FAM162A: variants seen among roughly 807,000 people sequenced by gnomAD.
FAM162A encodes family with sequence similarity 162 member A.
FAM162A carries 23 observed loss-of-function variants against 21.8 expected under a neutral mutation model. The ratio of observed to expected loss-of-function variants is 1.05; its 90% CI spans 0.76 to 1.49. FAM162A has a LOEUF of 1.49. Ranked by LOEUF, FAM162A falls within the 40% of genes most tolerant of loss-of-function variation. FAM162A has a pLI of 0.00. For synonymous variants in FAM162A, 53 were observed against 61.3 expected (o/e 0.86, Z 0.64); for missense variants, 165 against 186.4 (o/e 0.89, Z 0.67).
Position 122,404,261 on chromosome 3 carries a change from C to T in FAM162A, c.161C>T (p.Thr54Ile). 3 of 1,560,342 alleles carry T rather than the reference C, an allele frequency of 1.9e-6. No homozygotes were observed. The highest frequency in any genetic ancestry group is 2.6e-6 in the Non-Finnish European group (3 of 1,146,672). Residue 54 changes from threonine (T) to isoleucine (I), a missense_variant, in exon 3 of 5, where the codon ACT becomes ATT. Thr to Ile is a moderately conservative substitution (Grantham distance 89). Transcript: ENST00000477892. ...PQESPGAPSR[T>I]YNRVPLHKPT... The stretch of plus-strand genomic sequence containing the variant: ...TCTTGTCTGGTTTTTCTCATAGGCA[C>T]TTACAACAGAGTGCCTTTACACAAA...
intron 1 of FAM162A, chr3:122,401,289 ATC>A (rs1404923059): frequency 3.9e-6 from 2 of 510,084 alleles, no homozygotes; most frequent in Admixed American, 6.4e-5. Flanking sequence ...ACCTGATTGT[ATC>A]TCTTATTTTG....
intron 2 of FAM162A, among the ~76,000 whole-genome samples, chr3:122,403,948 G>C (rs771672545): frequency 2.2e-4 from 34 of 152,252 alleles, no homozygotes; most frequent in Middle Eastern, 3.4e-3. Context: ...ATGTACAGTA[G>C]TTCCCAATCA....
chr3:122,389,540 A>G (rs1242520494), intron 1 of FAM162A, among the ~76,000 whole-genome samples: 1 of 152,234 alleles, frequency 6.6e-6, no homozygotes, highest in East Asian at 1.9e-4. Flanking sequence ...AGATGTATGT[A>G]GAGAACTGTT....
chr3:122,402,625 C>A, intron 1 of FAM162A, 135 bp from the exon 2 acceptor site: 2 of 690,840 alleles, frequency 2.9e-6, no homozygotes, highest in South Asian at 7.2e-5. Flanking sequence ...CTATGTGTAT[C>A]TTACATATAG....
At chr3:122,399,667 T>G (rs2075644305) in intron 1 of FAM162A, among the ~76,000 whole-genome samples, 2 of 152,252 alleles carry the variant, frequency 1.3e-5, no homozygotes, top group Non-Finnish European at 2.9e-5. Context: ...CTGGGTCTAA[T>G]GGTAGTTCTG....
intron 1 of FAM162A, chr3:122,401,524 G>A (rs1325540385): frequency 6.3e-6 from 8 of 1,271,350 alleles, no homozygotes; most frequent in Non-Finnish European, 8.2e-6. Flanking sequence ...CTGTTTGCCA[G>A]TGCAATTATG....
At chr3:122,399,422 C>G (rs1013855069) in intron 1 of FAM162A, among the ~76,000 whole-genome samples, 1 of 152,120 alleles carries the variant, frequency 6.6e-6, no homozygotes, top group African/African-American at 2.4e-5. Flanking sequence ...CTCCGGGGTT[C>G]AAGTGAGCAA....
intron 1 of FAM162A, among the ~76,000 whole-genome samples, chr3:122,387,454 A>G (rs1302214141): frequency 6.6e-6 from 1 of 152,102 alleles, no homozygotes; most frequent in East Asian, 1.9e-4. Flanking sequence ...TAGTCCTCTA[A>G]TTTTTACAGA....
At chr3:122,408,517 G>T (rs541942482) in intron 4 of FAM162A, among the ~76,000 whole-genome samples, 8 of 152,258 alleles carry the variant, frequency 5.3e-5, no homozygotes, top group South Asian at 2.1e-4. Flanking sequence ...CTTCATTCTT[G>T]CAGTTAAATG....
At chr3:122,398,097 A>T (rs1238346947) in intron 1 of FAM162A, among the ~76,000 whole-genome samples, 1 of 152,240 alleles carries the variant, frequency 6.6e-6, no homozygotes, top group Non-Finnish European at 1.5e-5. Context: ...ATGTGTAAAA[A>T]TGCAACGTAA....
At position 122,409,883 on chromosome 3, in the gene FAM162A, C is replaced by T. The variant is rs775192696; in HGVS notation, c.*52C>T. ...TGAAAATCCAGGAATTATGTTATAA[C>T]GTGCCTGTATTAAAAAGGATGTGGT... On this transcript the variant is annotated 3_prime_UTR_variant, in exon 5 of 5. Coordinates refer to ENST00000477892, the MANE Select transcript of FAM162A (RefSeq NM_014367.4). 6.7e-6 allele frequency: 10 copies of T among 1,485,590 alleles called. No homozygotes were observed. The highest frequency in any genetic ancestry group is 2.3e-5 in the South Asian group (2 of 88,230). The allele number at this position is 1,485,590 out of a possible 1,614,324, so 92.0% of individuals were successfully genotyped here.
At chr3:122,407,148 G>C (rs1342600196) in intron 3 of FAM162A, 133 bp from the exon 4 acceptor site, 1 of 653,976 alleles carries the variant, frequency 1.5e-6, no homozygotes, top group Non-Finnish European at 2.5e-6. Context: ...CCTTTTTAAA[G>C]AGATCTCTAG....
intron 1 of FAM162A, chr3:122,401,589 T>G (rs998383265): frequency 8.4e-7 from 1 of 1,188,692 alleles, no homozygotes; most frequent in African/African-American, 1.6e-5. Flanking sequence ...TGATTATAAT[T>G]TCATCTGTGA....
intron 1 of FAM162A, among the ~76,000 whole-genome samples, chr3:122,391,077 G>A (rs1157749148): frequency 6.6e-6 from 1 of 152,236 alleles, no homozygotes; most frequent in East Asian, 1.9e-4. Context: ...GAAGGTCTTA[G>A]TAATGATATT....
intron 1 of FAM162A, among the ~76,000 whole-genome samples, chr3:122,394,386 C>T (rs578052279): frequency 1.4e-4 from 21 of 152,258 alleles, no homozygotes; most frequent in African/African-American, 5.1e-4. Flanking sequence ...ACACACAGCC[C>T]GTAGGCAAAC....
chr3:122,394,004 A>G (rs1376546512), intron 1 of FAM162A, among the ~76,000 whole-genome samples: 1 of 152,194 alleles, frequency 6.6e-6, no homozygotes, highest in African/African-American at 2.4e-5. Flanking sequence ...AGGAAACATG[A>G]TACTGGCATT....
At chr3:122,408,968 G>A (rs1163465768) in intron 4 of FAM162A, among the ~76,000 whole-genome samples, 1 of 152,066 alleles carries the variant, frequency 6.6e-6, no homozygotes, top group Non-Finnish European at 1.5e-5. Context: ...AGAAAAATTA[G>A]CCATTGTATA....
rs2075680557 is a variant in FAM162A at position 122,407,265 on chromosome 3, C to G, written c.264-16C>G. On this transcript the variant is annotated splice_polypyrimidine_tract_variant and intron_variant, in intron 3 of 4. Transcript: ENST00000477892. ...AAAGTTAATAACTTTCTCTCATGATCTCATTGTATTACTAGGTTGGAGATG... is the reference window on the plus strand; with the variant it reads ...AAAGTTAATAACTTTCTCTCATGATGTCATTGTATTACTAGGTTGGAGATG... The G allele has an allele frequency of 6.2e-7, 1 of 1,606,218 alleles. No homozygotes were observed. Among genetic ancestry groups the G allele is most frequent in the Non-Finnish European group, 8.5e-7 (1 of 1,173,662 alleles).
intron 1 of FAM162A, among the ~76,000 whole-genome samples, chr3:122,395,516 A>T (rs1031976662): frequency 8.5e-5 from 13 of 152,238 alleles, no homozygotes; most frequent in African/African-American, 2.7e-4. Flanking sequence ...TTGCAAAAAC[A>T]CTACTGAAAG....
Sources: gnomAD v4.1 joint callset for allele counts (sites outside exome capture counted in the v4.1 genomes callset) on GRCh38, gnomAD v4.1.1 for gene constraint, MANE v1.5 for transcripts, NCBI Gene and HGNC (gene_info 2026-07-23, HGNC 2026-07-21) for gene names.